The following NKAIN2 variants were observed in gnomAD, a reference collection of about 807,000 sequenced individuals.
NKAIN2 encodes the protein sodium/potassium-transporting ATPase subunit beta-1-interacting protein 2.
In NKAIN2, 14 loss-of-function variants were observed where a neutral mutation model predicts 32.6. The observed-to-expected ratio is 0.43, with a 90% CI of 0.28 to 0.67. The LOEUF (loss-of-function observed/expected upper bound fraction) is 0.67, where lower values mean the gene tolerates loss of function less well. Ranked by LOEUF, NKAIN2 falls within the 30% of genes least tolerant of loss-of-function variation. The pLI, the probability that NKAIN2 is intolerant of heterozygous loss-of-function variation, is 0.17. For missense variants in NKAIN2, 198 were observed against 258.3 expected (o/e 0.77, Z 1.60); for synonymous variants, 80 against 87.2 (o/e 0.92, Z 0.46).
chr6:124,781,468 C>A (rs566332131), intron 4 of NKAIN2, among the ~76,000 whole-genome samples: 1 of 152,220 alleles, frequency 6.6e-6, no homozygotes, highest in East Asian at 1.9e-4. Flanking sequence ...TACCTCCCAG[C>A]TGTTACCAGG....
At chr6:123,826,234 C>T (rs757189503) in intron 1 of NKAIN2, among the ~76,000 whole-genome samples, 2 of 152,122 alleles carry the variant, frequency 1.3e-5, no homozygotes, top group African/African-American at 2.4e-5. Context: ...CAAAAGAAAT[C>T]TGAAATATAA....
intron 1 of NKAIN2, among the ~76,000 whole-genome samples, chr6:124,170,909 A>C (rs964735511): frequency 2.6e-5 from 4 of 152,280 alleles, no homozygotes; most frequent in African/African-American, 9.6e-5. Flanking sequence ...GTTCTTTATA[A>C]GTTTTTTCCC....
chr6:123,958,920 C>T (rs1454262104), intron 1 of NKAIN2, among the ~76,000 whole-genome samples: 1 of 152,166 alleles, frequency 6.6e-6, no homozygotes, highest in African/African-American at 2.4e-5. Flanking sequence ...TTCCAAATGG[C>T]TAATAGTTTC....
chr6:124,347,280 T>C (rs1046675821), intron 2 of NKAIN2, among the ~76,000 whole-genome samples: 235 of 152,280 alleles, frequency 1.5e-3, no homozygotes, highest in Middle Eastern at 6.8e-3. Flanking sequence ...TTTTCCTTCA[T>C]TTCAACTTTG....
intron 5 of NKAIN2, among the ~76,000 whole-genome samples, chr6:124,813,301 G>T (rs1426686349): frequency 6.6e-6 from 1 of 152,046 alleles, no homozygotes; most frequent in Non-Finnish European, 1.5e-5. Context: ...TTAGATCAAA[G>T]AAGAATCTAA....
At chr6:124,135,011 T>C (rs543291229) in intron 1 of NKAIN2, among the ~76,000 whole-genome samples, 1 of 151,958 alleles carries the variant, frequency 6.6e-6, no homozygotes, top group Non-Finnish European at 1.5e-5. Flanking sequence ...AACAAAACAA[T>C]TGGCAGCCAG....
At chr6:124,029,770 C>T (rs553805870) in intron 1 of NKAIN2, among the ~76,000 whole-genome samples, 26 of 152,186 alleles carry the variant, frequency 1.7e-4, no homozygotes, top group African/African-American at 5.5e-4. Flanking sequence ...GGAGACCGAG[C>T]GAAGCTTTAT....
chr6:124,469,351 C>T (rs573049711), intron 3 of NKAIN2, among the ~76,000 whole-genome samples: 1 of 152,086 alleles, frequency 6.6e-6, no homozygotes, highest in African/African-American at 2.4e-5. Context: ...AAAAATAATT[C>T]TGCTCAGCAG....
At chr6:123,988,187 TA>T (rs1353059063) in intron 1 of NKAIN2, among the ~76,000 whole-genome samples, 6 of 152,224 alleles carry the variant, frequency 3.9e-5, no homozygotes, top group African/African-American at 1.2e-4. Flanking sequence ...ATAAGGAATG[TA>T]AACCTTTTGC....
intron 3 of NKAIN2, among the ~76,000 whole-genome samples, chr6:124,435,694 C>A (rs1305097549): frequency 6.6e-6 from 1 of 152,106 alleles, no homozygotes; most frequent in African/African-American, 2.4e-5. Context: ...GAAGTCTTTG[C>A]TGGATAGTTT....
intron 3 of NKAIN2, among the ~76,000 whole-genome samples, chr6:124,364,250 A>AAAGAGAG (rs3054409): frequency 0.024 from 3,303 of 139,722 alleles, 81 homozygotes; most frequent in African/African-American, 0.034. Flanking sequence ...AAAAAAAAAA[A>AAAGAGAG]AGAGAGAAAA....
intron 4 of NKAIN2, among the ~76,000 whole-genome samples, chr6:124,699,924 A>G (rs549454346): frequency 1.3e-5 from 2 of 152,206 alleles, no homozygotes; most frequent in Non-Finnish European, 2.9e-5. Context: ...TGAGAAGAGC[A>G]TATGGAATGG....
At chr6:124,794,770 T>G in intron 5 of NKAIN2, 16 of 363,734 alleles carry the variant, frequency 4.4e-5, no homozygotes, top group Non-Finnish European at 6.1e-5. Flanking sequence ...TAGACAGTTA[T>G]GAGTATCTTT....
At chr6:124,758,909 TCTC>T (rs1583808624) in intron 4 of NKAIN2, among the ~76,000 whole-genome samples, 1 of 152,178 alleles carries the variant, frequency 6.6e-6, no homozygotes. Context: ...TCTGGTATCT[TCTC>T]CTCTCAAGGG....
intron 1 of NKAIN2, among the ~76,000 whole-genome samples, chr6:123,860,106 A>C (rs559531496): frequency 6.4e-4 from 98 of 152,290 alleles, no homozygotes; most frequent in Middle Eastern, 3.4e-3. Flanking sequence ...AAGCACTTCT[A>C]CTTGAAGCAC....
intron 1 of NKAIN2, among the ~76,000 whole-genome samples, chr6:124,088,904 T>C (rs1446607983): frequency 6.6e-6 from 1 of 152,092 alleles, no homozygotes; most frequent in Non-Finnish European, 1.5e-5. Context: ...TATGTTGGCA[T>C]AGAAAACTAT....
intron 4 of NKAIN2, among the ~76,000 whole-genome samples, chr6:124,753,431 C>T (rs994568851): frequency 2.6e-5 from 4 of 152,058 alleles, no homozygotes; most frequent in South Asian, 2.1e-4. Flanking sequence ...TGATTTCTGT[C>T]GGTTTAGCTT....
intron 3 of NKAIN2, among the ~76,000 whole-genome samples, chr6:124,563,065 G>T (rs1219893293): frequency 6.6e-6 from 1 of 151,800 alleles, no homozygotes; most frequent in Admixed American, 6.6e-5. Flanking sequence ...TACCATGCCC[G>T]GCTAATTTTT....
chr6:124,544,226 T>C (rs1780009992), intron 3 of NKAIN2, among the ~76,000 whole-genome samples: 1 of 152,022 alleles, frequency 6.6e-6, no homozygotes, highest in African/African-American at 2.4e-5. Flanking sequence ...TCCAAATACC[T>C]GTCAGGCTTG....
Sources: gnomAD v4.1 joint callset for allele counts (sites outside exome capture counted in the v4.1 genomes callset) on GRCh38, gnomAD v4.1.1 for gene constraint, MANE v1.5 for transcripts, NCBI Gene and HGNC (gene_info 2026-07-23, HGNC 2026-07-21) for gene names.